The following MYRIP variants were observed in gnomAD, a reference collection of about 807,000 sequenced individuals.
The protein encoded by MYRIP is myosin VIIA and Rab interacting protein, also known as rab effector MyRIP.
In MYRIP, 49 loss-of-function variants were observed where a neutral mutation model predicts 98.0. The ratio of observed to expected loss-of-function variants is 0.50; its 90% CI spans 0.40 to 0.63. The LOEUF is 0.63. Among genes scored for constraint, MYRIP ranks in the 30% least tolerant of loss-of-function variants. The pLI is 0.00. For missense variants in MYRIP, 1,004 were observed against 1,058.2 expected, an observed-to-expected ratio of 0.95 and a Z score of 0.71; for synonymous variants, 404 against 409.5, an observed-to-expected ratio of 0.99 and a Z score of 0.16.
At chr3:40,010,267 G>A (rs1178260616) in intron 2 of MYRIP, among the ~76,000 whole-genome samples, 1 of 152,218 alleles carries the variant, frequency 6.6e-6, no homozygotes, top group Non-Finnish European at 1.5e-5. Context: ...GCCAAGACTT[G>A]AGGAGTTAGG....
chr3:40,013,352 T>G (rs1439242523), intron 2 of MYRIP, among the ~76,000 whole-genome samples: 1 of 152,232 alleles, frequency 6.6e-6, no homozygotes, highest in Non-Finnish European at 1.5e-5. Flanking sequence ...AGGAAACCTT[T>G]TATTCCCGTG....
At chr3:39,980,377 C>G (rs1030045864) in intron 2 of MYRIP, among the ~76,000 whole-genome samples, 1 of 152,206 alleles carries the variant, frequency 6.6e-6, no homozygotes, top group Non-Finnish European at 1.5e-5. Context: ...GGTAGAGGAA[C>G]TCCCATAAGG....
intron 11 of MYRIP, among the ~76,000 whole-genome samples, chr3:40,219,470 T>C (rs933385407): frequency 6.6e-6 from 1 of 152,172 alleles, no homozygotes; most frequent in Non-Finnish European, 1.5e-5. Flanking sequence ...TATCTCCTAA[T>C]GCTATCCCTC....
intron 11 of MYRIP, among the ~76,000 whole-genome samples, chr3:40,213,834 G>A (rs79493002): frequency 0.04 from 6,146 of 152,138 alleles, 301 homozygotes; most frequent in African/African-American, 0.11. Flanking sequence ...TCCCAGGAGC[G>A]GGAGTGAGGC....
chr3:39,929,311 C>G (rs1448248313), intron 2 of MYRIP, among the ~76,000 whole-genome samples: 5 of 151,898 alleles, frequency 3.3e-5, no homozygotes, highest in Non-Finnish European at 7.4e-5. Flanking sequence ...TCAATTCTAC[C>G]CAAATTGATA....
intron 9 of MYRIP, among the ~76,000 whole-genome samples, chr3:40,187,486 G>T (rs1403420225): frequency 6.6e-6 from 1 of 152,214 alleles, no homozygotes; most frequent in African/African-American, 2.4e-5. Flanking sequence ...ACACTCACAA[G>T]CATCCCCTCG....
chr3:40,021,375 T>C (rs970655893), intron 2 of MYRIP, among the ~76,000 whole-genome samples: 1 of 152,180 alleles, frequency 6.6e-6, no homozygotes, highest in African/African-American at 2.4e-5. Context: ...TTTACAAATA[T>C]TCTCTTCTAG....
At chr3:40,170,920 C>T (rs1024722877) in intron 8 of MYRIP, among the ~76,000 whole-genome samples, 2 of 152,160 alleles carry the variant, frequency 1.3e-5, no homozygotes, top group Non-Finnish European at 2.9e-5. Context: ...CAGATTAAAA[C>T]GAGGGCATGC....
chr3:40,178,557 T>G (rs150616735), intron 8 of MYRIP, among the ~76,000 whole-genome samples: 319 of 152,260 alleles, frequency 2.1e-3, no homozygotes, highest in South Asian at 4.6e-3. Flanking sequence ...AGTTATTCAA[T>G]CCTGACTCTG....
intron 3 of MYRIP, among the ~76,000 whole-genome samples, chr3:40,140,244 T>C (rs1399938535): frequency 6.6e-6 from 1 of 152,216 alleles, no homozygotes; most frequent in East Asian, 1.9e-4. Flanking sequence ...CACCAAACTG[T>C]TTTTACTAGC....
chr3:40,131,610 T>C (rs1949643127), intron 3 of MYRIP, among the ~76,000 whole-genome samples: 1 of 152,184 alleles, frequency 6.6e-6, no homozygotes, highest in Admixed American at 6.5e-5. Flanking sequence ...TCATCAAAGT[T>C]GTAGTATCTT....
chr3:40,200,249 C>T (rs980395773), intron 10 of MYRIP, among the ~76,000 whole-genome samples: 2 of 151,334 alleles, frequency 1.3e-5, no homozygotes, highest in Non-Finnish European at 2.9e-5. Context: ...AATATGCTAA[C>T]GATAGCTGAT....
At chr3:40,028,513 G>C in intron 2 of MYRIP, among the ~76,000 whole-genome samples, 1 of 152,132 alleles carries the variant, frequency 6.6e-6, no homozygotes, top group East Asian at 1.9e-4. Flanking sequence ...GGAAAGACTA[G>C]TATTTGCTTT....
intron 2 of MYRIP, among the ~76,000 whole-genome samples, chr3:39,906,241 C>T (rs1047307227): frequency 3.9e-5 from 6 of 152,210 alleles, no homozygotes; most frequent in African/African-American, 1.4e-4. Context: ...GGAAACTTCA[C>T]CCTGACTTTT....
chr3:40,099,302 A>G (rs1353529463), intron 3 of MYRIP, among the ~76,000 whole-genome samples: 2 of 152,222 alleles, frequency 1.3e-5, no homozygotes, highest in Non-Finnish European at 2.9e-5. Context: ...TAATAATAGT[A>G]CTTTGCAGAT....
intron 2 of MYRIP, among the ~76,000 whole-genome samples, chr3:40,041,137 T>C (rs905412217): frequency 4.8e-5 from 7 of 146,476 alleles, no homozygotes; most frequent in Admixed American, 1.4e-4. Flanking sequence ...AGGATGTTTT[T>C]CTTTGTATGT....
chr3:40,049,393 G>C (rs1389907915), intron 3 of MYRIP, among the ~76,000 whole-genome samples: 2 of 151,856 alleles, frequency 1.3e-5, no homozygotes, highest in African/African-American at 4.8e-5. Context: ...CATTATTATT[G>C]TTATGGTCAT....
At chr3:40,206,641 T>G (rs532890158) in intron 10 of MYRIP, among the ~76,000 whole-genome samples, 11 of 152,306 alleles carry the variant, frequency 7.2e-5, no homozygotes, top group African/African-American at 2.6e-4. Flanking sequence ...TGTTCCCCAG[T>G]GTGTTACAAT....
At chr3:40,250,364 A>C in intron 14 of MYRIP, 38 bp downstream of exon 14, 1 of 1,613,164 alleles carries the variant, frequency 6.2e-7, no homozygotes, top group Non-Finnish European at 8.5e-7. Flanking sequence ...GGAATGTTAC[A>C]TGGCTTGGAA....
Sources: gnomAD v4.1 joint callset for allele counts (sites outside exome capture counted in the v4.1 genomes callset) on GRCh38, gnomAD v4.1.1 for gene constraint, MANE v1.5 for transcripts, NCBI Gene and HGNC (gene_info 2026-07-23, HGNC 2026-07-21) for gene names.